The following ZNF280D variants were observed in gnomAD, a reference collection of about 807,000 sequenced individuals.
ZNF280D encodes the protein zinc finger protein 280D.
In ZNF280D, 39 loss-of-function variants were observed where a neutral mutation model predicts 94.7. That is an observed-to-expected ratio of 0.41 (90% CI 0.32 to 0.54). The LOEUF (loss-of-function observed/expected upper bound fraction) is 0.54. Among genes scored for constraint, ZNF280D ranks in the 20% least tolerant of loss-of-function variants. ZNF280D has a pLI of 0.22. For missense variants in ZNF280D, 1,090 were observed against 1,149.3 expected (o/e 0.95, Z 0.75); for synonymous variants, 398 against 377.6 (o/e 1.05, Z -0.63).
chr15:56,652,036 A>G (rs1596355799), intron 19 of ZNF280D, among the ~76,000 whole-genome samples: 3 of 126,188 alleles, frequency 2.4e-5, no homozygotes, highest in Middle Eastern at 3.7e-3. Context: ...CCTAGAGACA[A>G]ATAAGAAAAA....
intron 1 of ZNF280D, among the ~76,000 whole-genome samples, chr15:56,723,326 T>C (rs530551366): frequency 5.3e-4 from 80 of 152,314 alleles, no homozygotes; most frequent in African/African-American, 1.9e-3. Context: ...GAAGTACTGA[T>C]ACATGCTACA....
At chr15:56,702,910 AACACACACACACACACACACACACACAC>A (rs59095987) in intron 4 of ZNF280D, among the ~76,000 whole-genome samples, 22 of 135,756 alleles carry the variant, frequency 1.6e-4, no homozygotes, top group Middle Eastern at 3.6e-3. Context: ...ATGGTAAGTA[AACACACACACACACACACACACACACAC>A]ACACACACAC....
At position 56,630,693 on chromosome 15, in the gene ZNF280D, G is replaced by T. The variant is rs1167188097; in HGVS notation, c.*805C>A. On this transcript the variant is annotated 3_prime_UTR_variant, in exon 22 of 22. Coordinates refer to ENST00000267807, the MANE Select transcript of ZNF280D (RefSeq NM_017661.4). ...CAATATTAAAAGCATAATAGCTACAGGAGTTTCAACAATGGGTTTCTACTT... is the reference window on the plus strand; with the variant it reads ...CAATATTAAAAGCATAATAGCTACATGAGTTTCAACAATGGGTTTCTACTT... 5.3e-5 allele frequency: 8 copies of T among 152,036 alleles called. No individual in the cohort carries two copies. The highest frequency in any genetic ancestry group is 1.7e-4 in the African/African-American group (7 of 41,402). The allele number at this position is 152,036 out of a possible 1,614,324, so 9.4% of individuals were successfully genotyped here.
At chr15:56,719,467 A>G (rs2058228825) in intron 1 of ZNF280D, among the ~76,000 whole-genome samples, 1 of 152,170 alleles carries the variant, frequency 6.6e-6, no homozygotes, top group Non-Finnish European at 1.5e-5. Flanking sequence ...ATGCAGCCTG[A>G]GGCCCTCACC....
chr15:56,634,176 G>C (rs1206784345), intron 21 of ZNF280D: 1 of 152,088 alleles, frequency 6.6e-6, no homozygotes, highest in African/African-American at 2.4e-5. Context: ...TCATATGTTA[G>C]TGGTAGAAAG....
chr15:56,728,246 C>A (rs973330096), intron 1 of ZNF280D, among the ~76,000 whole-genome samples: 2 of 152,130 alleles, frequency 1.3e-5, no homozygotes, highest in African/African-American at 2.4e-5. Context: ...TAGTCTCAAA[C>A]TCCTAGGCTC....
chr15:56,733,440 G>A lies in ZNF280D; in HGVS notation c.-86+18C>T, dbSNP rs1434206355. Reference sequence around the variant, plus strand: ...GCCTGCTGCAGCGCAGGGCGGGCGGGGGCGGGGGGGCGCTTACCGTGAGCG... The same window carrying A: ...GCCTGCTGCAGCGCAGGGCGGGCGGAGGCGGGGGGGCGCTTACCGTGAGCG... On this transcript the variant is annotated intron_variant, in intron 1 of 21. Transcript: ENST00000267807. 9.4e-7 allele frequency: 1 copy of A among 1,058,702 alleles called. No individual in the cohort carries two copies. Among genetic ancestry groups the A allele is most frequent in the African/African-American group, 1.7e-5 (1 of 57,660 alleles). 65.6% of individuals were successfully genotyped at this position (1,058,702 alleles called of 1,614,324 possible). A position where few individuals can be genotyped will look rare whatever the true frequency, so the allele number is the denominator to read the frequency against.
chr15:56,726,042 G>A (rs982088672), intron 1 of ZNF280D, among the ~76,000 whole-genome samples: 1 of 151,976 alleles, frequency 6.6e-6, no homozygotes, highest in Non-Finnish European at 1.5e-5. Flanking sequence ...ATGTGCCAGG[G>A]TTCCAATTAA....
Position 56,700,955 on chromosome 15 carries a change from A to G in ZNF280D, c.359T>C (p.Ile120Thr). 1.2e-6 allele frequency: 2 copies of G among 1,613,948 alleles called. No homozygotes were observed. Among genetic ancestry groups the G allele is most frequent in the South Asian group, 1.1e-5 (1 of 91,078 alleles). The change falls in exon 6 of 22, where the codon ATT (isoleucine) becomes ACT (threonine). Residue 120 changes from isoleucine to threonine, a missense_variant. Physicochemically the swap from Ile to Thr is moderately conservative, Grantham distance 89. Transcript: ENST00000267807. Reference protein sequence around the residue: ...PESRSSDSSVIVQPFSKPGYI... With the variant: ...PESRSSDSSVTVQPFSKPGYI... ...TACAGGTTTAGAAAAAGGCTGAACA[A>G]TAACAGAACTATCTGAAGATCTAGA...
rs1473223686 is a variant in ZNF280D, at chr15:56,707,299, T to TTTCC, written c.-82_-79dup. On this transcript the variant is annotated 5_prime_UTR_variant, in exon 2 of 22. Transcript: ENST00000267807. ...AGACAAGCCAGCAAGTTATTTCTGT[T>TTTCC]TTCCTTCCTATAAAATAAAGATACC... is the stretch of plus-strand genomic sequence containing the variant. 5.9e-6 allele frequency: 9 copies of TTTCC among 1,530,158 alleles called. No individual in the cohort carries two copies. In the African/African-American group the frequency reaches 1.2e-4, roughly 21 times the overall value. The allele number at this position is 1,530,158 out of a possible 1,614,324, so 94.8% of individuals were successfully genotyped here. A position where few individuals can be genotyped will look rare whatever the true frequency, so the allele number is the denominator to read the frequency against.
chr15:56,670,990 G>A (rs1047450660), intron 13 of ZNF280D, among the ~76,000 whole-genome samples: 1 of 151,692 alleles, frequency 6.6e-6, no homozygotes, highest in African/African-American at 2.4e-5. Context: ...CTTTTGAGAC[G>A]TGTCCATATC....
At position 56,631,530 on chromosome 15, in the gene ZNF280D, C is replaced by G; in HGVS notation, c.2908G>C (p.Val970Leu). ...CTTTCTTTTTCGTCTTCCAGGTCTA[C>G]TGTTGCCTCTGTTGTGCTAGGGTTA... is the stretch of plus-strand genomic sequence containing the variant. ...GNNPSTTEAT[V>L]DLEDEKERS Residue 970 changes from valine (V) to leucine (L), a missense_variant, in exon 22 of 22, where the codon GTA (valine) becomes CTA (leucine). Physicochemically the swap from Val to Leu is conservative, Grantham distance 32. This residue lies in a region of ZNF280D where 577 missense variants were observed against 568.8 expected (regional missense o/e 1.01). Transcript: ENST00000267807. The G allele has an allele frequency of 6.2e-7, 1 of 1,613,636 alleles. No individual in the cohort carries two copies. Among genetic ancestry groups the G allele is most frequent in the Non-Finnish European group, 8.5e-7 (1 of 1,179,618 alleles).
rs865798155 is a variant in ZNF280D, at chr15:56,693,194, G to T, written c.403C>A (p.Arg135=). The T allele has an allele frequency of 3.1e-6, 5 of 1,589,256 alleles. No individual in the cohort carries two copies. In the Admixed American group the frequency reaches 7.1e-5, roughly 22 times the overall value. ...TCTGATGACTTATTAGACACAACTCGTGATGAGTTTGTTATATAACCCTGT... is the reference window on the plus strand; with the variant it reads ...TCTGATGACTTATTAGACACAACTCTTGATGAGTTTGTTATATAACCCTGT... ...SKPGYITNSS[R]VVSNKSSELL... Residue 135 remains arginine (R), a synonymous_variant, in exon 7 of 22, where the codon CGA becomes AGA. Transcript: ENST00000267807.
intron 20 of ZNF280D, 124 bp downstream of exon 20, chr15:56,642,827 TC>T: frequency 1.9e-6 from 1 of 535,958 alleles, no homozygotes; most frequent in Non-Finnish European, 3.1e-6. Flanking sequence ...CGATTTTTTT[TC>T]TTCCTCACAA....
At chr15:56,706,312 T>C (rs531351543) in intron 3 of ZNF280D, among the ~76,000 whole-genome samples, 3 of 150,324 alleles carry the variant, frequency 2.0e-5, no homozygotes, top group African/African-American at 7.3e-5. Context: ...CAGTCTCTAC[T>C]AAAAATAGAA....
chr15:56,681,311 A>G (rs2140997706), intron 10 of ZNF280D, among the ~76,000 whole-genome samples: 1 of 152,316 alleles, frequency 6.6e-6, no homozygotes, highest in South Asian at 2.1e-4. Context: ...AATAAACACA[A>G]AAGGCATACA....
chr15:56,727,029 G>A (rs1016521272), intron 1 of ZNF280D, among the ~76,000 whole-genome samples: 4 of 152,098 alleles, frequency 2.6e-5, no homozygotes, highest in Admixed American at 1.3e-4. Context: ...GGAATTTCAG[G>A]GACAATAAAC....
intron 1 of ZNF280D, chr15:56,732,852 C>T (rs1361352912): frequency 6.6e-6 from 1 of 152,214 alleles, no homozygotes; most frequent in African/African-American, 2.4e-5. Context: ...TCCAACTCCA[C>T]GTTTCTCCTC....
intron 1 of ZNF280D, among the ~76,000 whole-genome samples, chr15:56,732,276 G>T (rs1596738863): frequency 6.6e-6 from 1 of 152,182 alleles, no homozygotes; most frequent in Non-Finnish European, 1.5e-5. Context: ...CTTCAAAAGG[G>T]GCTAAGAGAT....
Sources: allele counts gnomAD v4.1 joint callset (sites outside exome capture counted in the v4.1 genomes callset), GRCh38; gene constraint gnomAD v4.1.1; regional missense constraint gnomAD v4.1.1; transcripts MANE v1.5; gene names NCBI Gene and HGNC (gene_info 2026-07-23, HGNC 2026-07-21).